Variants in CSMD1 observed in about 807,000 individuals in gnomAD.
The protein encoded by CSMD1 is CUB and sushi domain-containing protein 1.
In CSMD1, 213 loss-of-function variants were observed where a neutral mutation model predicts 417.5. That is an observed-to-expected ratio of 0.51 (90% CI 0.46 to 0.57). The LOEUF (loss-of-function observed/expected upper bound fraction) is 0.57, where lower values mean the gene tolerates loss of function less well. Ranked by LOEUF, CSMD1 falls within the 20% of genes least tolerant of loss-of-function variation. The pLI is 0.00. For synonymous variants in CSMD1, 2,862 were observed against 1,736.8 expected, an observed-to-expected ratio of 1.65 and a Z score of -16.11; for missense variants, 6,923 against 4,529.7, an observed-to-expected ratio of 1.53 and a Z score of -15.17.
chr8:3,421,678 C>T (rs778897009), intron 12 of CSMD1, among the ~76,000 whole-genome samples: 1 of 152,106 alleles, frequency 6.6e-6, no homozygotes, highest in Non-Finnish European at 1.5e-5. Context: ...TGCTCTGTTG[C>T]CCAGACTGCA....
intron 3 of CSMD1, among the ~76,000 whole-genome samples, chr8:4,242,217 T>A (rs909312781): frequency 6.6e-6 from 1 of 152,214 alleles, no homozygotes; most frequent in African/African-American, 2.4e-5. Context: ...TGATTTTTGA[T>A]GGAAATTAGA....
intron 3 of CSMD1, among the ~76,000 whole-genome samples, chr8:4,131,772 T>TTTC (rs1274634339): frequency 7.1e-6 from 1 of 141,738 alleles, no homozygotes; most frequent in East Asian, 2.1e-4. Flanking sequence ...TTTTTTTTTT[T>TTTC]TTTTTTTTGA....
chr8:3,417,787 G>A (rs566794475), intron 12 of CSMD1, among the ~76,000 whole-genome samples: 35 of 152,012 alleles, frequency 2.3e-4, no homozygotes, highest in Non-Finnish European at 4.3e-4. Context: ...CATCACCTTC[G>A]GAAAACAAGA....
rs114667521 is a variant in CSMD1, at chr8:4,427,158, T to C, written c.303-7093A>G. On this transcript the variant is annotated intron_variant, in intron 2 of 69. Coordinates refer to ENST00000635120, the MANE Select transcript of CSMD1 (RefSeq NM_033225.6). ...CCAGGTAGGGGTGGTGAGGACAGAATCTACACAATGGGTAAGTCCAGATGG... is the reference window on the plus strand; with the variant it reads ...CCAGGTAGGGGTGGTGAGGACAGAACCTACACAATGGGTAAGTCCAGATGG... 4.1e-3 allele frequency among the ~76,000 whole-genome samples: 622 copies of C among 152,130 alleles called. 6 individuals carry two copies. Among genetic ancestry groups the C allele is most frequent in the African/African-American group, 0.015 (609 of 41,510 alleles).
At chr8:4,856,565 A>T (rs1241306897) in intron 1 of CSMD1, among the ~76,000 whole-genome samples, 1 of 141,380 alleles carries the variant, frequency 7.1e-6, no homozygotes, top group Non-Finnish European at 1.5e-5. Context: ...AAAAGGATGG[A>T]GGAAGATCTA....
chr8:4,958,199 C>T (rs907278227), intron 1 of CSMD1, among the ~76,000 whole-genome samples: 3 of 152,002 alleles, frequency 2.0e-5, no homozygotes, highest in African/African-American at 4.8e-5. Flanking sequence ...ACTCTGTTTC[C>T]ACATTATATT....
chr8:4,253,003 G>C (rs532727477), intron 3 of CSMD1, among the ~76,000 whole-genome samples: 2 of 152,088 alleles, frequency 1.3e-5, no homozygotes, highest in African/African-American at 4.8e-5. Context: ...AGCCAATGTC[G>C]GATTATCGGT....
At chr8:3,695,373 A>T (rs1037917402) in intron 7 of CSMD1, among the ~76,000 whole-genome samples, 1 of 151,764 alleles carries the variant, frequency 6.6e-6, no homozygotes, top group African/African-American at 2.4e-5. Flanking sequence ...AAAAATAATG[A>T]CTCAACGTGT....
intron 2 of CSMD1, among the ~76,000 whole-genome samples, chr8:4,438,058 A>G (rs1018935126): frequency 6.6e-6 from 1 of 152,182 alleles, no homozygotes; most frequent in African/African-American, 2.4e-5. Context: ...ATGAAGGAAC[A>G]GCCAATATTC....
intron 7 of CSMD1, among the ~76,000 whole-genome samples, chr8:3,655,505 G>A (rs754935186): frequency 1.3e-5 from 2 of 152,046 alleles, no homozygotes; most frequent in Non-Finnish European, 2.9e-5. Flanking sequence ...CATAAACACA[G>A]CCAGCTCAGG....
chr8:3,533,704 C>T (rs1437095745), intron 10 of CSMD1, among the ~76,000 whole-genome samples: 1 of 152,184 alleles, frequency 6.6e-6, no homozygotes, highest in African/African-American at 2.4e-5. Flanking sequence ...CGTGCCTCCA[C>T]CGTGATGTAT....
rs181967240 is a variant in CSMD1 at position 4,547,376 on chromosome 8, A to G, written c.302+89966T>C. On this transcript the variant is annotated intron_variant, in intron 2 of 69. Coordinates refer to ENST00000635120, the MANE Select transcript of CSMD1 (RefSeq NM_033225.6). The stretch of plus-strand genomic sequence containing the variant: ...CTTTCTAAAACACGTATCTGAAAAT[A>G]TTACTTTCTTCTTTTATATTTGTGA... Among the ~76,000 whole-genome samples the G allele has an allele frequency of 2.9e-3, 449 of 152,342 alleles. 6 individuals carry two copies. The highest frequency in any genetic ancestry group is 0.01 in the African/African-American group (424 of 41,570).
intron 3 of CSMD1, among the ~76,000 whole-genome samples, chr8:4,048,652 C>G (rs1328365675): frequency 6.6e-6 from 1 of 152,216 alleles, no homozygotes; most frequent in Non-Finnish European, 1.5e-5. Flanking sequence ...GTCAATCTGA[C>G]TTCCAACCAC....
intron 3 of CSMD1, among the ~76,000 whole-genome samples, chr8:4,118,820 T>C (rs1207975485): frequency 2.6e-5 from 4 of 152,144 alleles, no homozygotes; most frequent in Admixed American, 6.5e-5. Flanking sequence ...CTATTCACAA[T>C]AGCAAAGACT....
chr8:4,298,453 G>T (rs898997932), intron 3 of CSMD1, among the ~76,000 whole-genome samples: 1 of 151,996 alleles, frequency 6.6e-6, no homozygotes, highest in Non-Finnish European at 1.5e-5. Context: ...TCCCTATACA[G>T]GAAATTACTT....
intron 3 of CSMD1, among the ~76,000 whole-genome samples, chr8:4,236,938 C>T (rs895329816): frequency 5.3e-5 from 8 of 152,188 alleles, no homozygotes; most frequent in African/African-American, 1.7e-4. Flanking sequence ...GAAACAAGTT[C>T]AAGTTCAGTT....
chr8:3,692,234 T>C (rs1029687759), intron 7 of CSMD1, among the ~76,000 whole-genome samples: 6 of 152,144 alleles, frequency 3.9e-5, no homozygotes, highest in Admixed American at 3.9e-4. Flanking sequence ...GGCAAAATCC[T>C]TCACAGCCCC....
intron 12 of CSMD1, among the ~76,000 whole-genome samples, chr8:3,444,839 T>C (rs530311458): frequency 3.2e-4 from 49 of 152,214 alleles, no homozygotes; most frequent in African/African-American, 9.6e-4. Flanking sequence ...AGCAAGTAAA[T>C]ACAAAAAGAA....
chr8:3,832,242 C>G (rs1276511380), intron 5 of CSMD1, among the ~76,000 whole-genome samples: 2 of 152,164 alleles, frequency 1.3e-5, no homozygotes, highest in African/African-American at 2.4e-5. Flanking sequence ...ACCTGAAGTC[C>G]TGCGCTTCCC....
Sources: allele counts gnomAD v4.1 joint callset (sites outside exome capture counted in the v4.1 genomes callset), GRCh38; gene constraint gnomAD v4.1.1; transcripts MANE v1.5; gene names NCBI Gene and HGNC (gene_info 2026-07-23, HGNC 2026-07-21).